MEGF10: variants seen among roughly 807,000 people sequenced by gnomAD.
The protein encoded by MEGF10 is multiple EGF like domains 10, also known as multiple epidermal growth factor-like domains protein 10.
Under a neutral mutation model 147.5 loss-of-function variants are expected in MEGF10, and 86 were observed. The ratio of observed to expected loss-of-function variants is 0.58; its 90% CI spans 0.49 to 0.70. The LOEUF (loss-of-function observed/expected upper bound fraction) is 0.70. MEGF10 is among the 30% of genes least tolerant of loss of function. The pLI is 0.00. For synonymous variants in MEGF10, 478 were observed against 525.5 expected (o/e 0.91, Z 1.24); for missense variants, 1,329 against 1,487.3 (o/e 0.89, Z 1.75).
the MEGF10 span, among the ~76,000 whole-genome samples, chr5:127,245,672 A>G: frequency 6.6e-6 from 1 of 152,356 alleles, no homozygotes; most frequent in South Asian, 2.1e-4. Flanking sequence ...TGAATAGGCA[A>G]CCTAGAGAAT....
At chr5:127,379,692 C>T (rs116078321) in intron 5 of MEGF10, among the ~76,000 whole-genome samples, 2,401 of 151,194 alleles carry the variant, frequency 0.016, 46 homozygotes, top group South Asian at 0.076. Flanking sequence ...CCGTGCCTCC[C>T]GGGTTCAAGT....
intron 5 of MEGF10, among the ~76,000 whole-genome samples, chr5:127,376,779 G>A (rs1314909021): frequency 6.6e-6 from 1 of 152,172 alleles, no homozygotes; most frequent in African/African-American, 2.4e-5. Context: ...ATTGTTCCTA[G>A]TTTACAGATG....
chr5:127,311,573 G>T (rs1760287835), intron 1 of MEGF10, among the ~76,000 whole-genome samples: 1 of 152,158 alleles, frequency 6.6e-6, no homozygotes, highest in Admixed American at 6.5e-5. Flanking sequence ...TATGAAAAAT[G>T]GTTTTGTGTG....
the MEGF10 span, among the ~76,000 whole-genome samples, chr5:127,243,431 A>C: frequency 6.6e-6 from 1 of 152,196 alleles, no homozygotes; most frequent in Non-Finnish European, 1.5e-5. Context: ...AGAATGTTGA[A>C]ATTTAAATAA....
chr5:127,322,056 C>T (rs1580710673), intron 1 of MEGF10, among the ~76,000 whole-genome samples: 2 of 140,008 alleles, frequency 1.4e-5, no homozygotes, highest in Non-Finnish European at 1.5e-5. Flanking sequence ...CTTTCAGCTT[C>T]TTCAATTAGC....
chr5:127,434,713 C>G lies in MEGF10; in HGVS notation c.1867C>G (p.Arg623Gly), dbSNP rs756234600. The G allele has an allele frequency of 2.5e-6, 4 of 1,612,954 alleles. No individual in the cohort carries two copies. Among genetic ancestry groups the G allele is most frequent in the Middle Eastern group, 1.7e-4 (1 of 6,058 alleles). ...CTGCTCCCCTGGTTTTTATGGGCATCGCTGCAGCCAGACATGCCCACAGTG... is the reference window on the plus strand; with the variant it reads ...CTGCTCCCCTGGTTTTTATGGGCATGGCTGCAGCCAGACATGCCCACAGTG... ...RICSPGFYGH[R>G]CSQTCPQCVH... The change falls in exon 15 of 25, where the codon CGC becomes GGC. Residue 623 changes from arginine to glycine, a missense_variant. Coordinates refer to ENST00000503335, the MANE Select transcript of MEGF10 (RefSeq NM_001256545.2).
At chr5:127,253,810 C>T in the MEGF10 span, among the ~76,000 whole-genome samples, 9,598 of 152,008 alleles carry the variant, frequency 0.063, 370 homozygotes, top group African/African-American at 0.1. Context: ...AAGTCTCAAC[C>T]ATGTTTCTAG....
intron 1 of MEGF10, among the ~76,000 whole-genome samples, chr5:127,305,344 G>A (rs1199387651): frequency 2.0e-5 from 3 of 152,154 alleles, no homozygotes; most frequent in Non-Finnish European, 4.4e-5. Flanking sequence ...TGTGTTCATA[G>A]GATGCACCCA....
In MEGF10 at chr5:127,458,314, T is replaced by A. The variant is rs1259455415; in HGVS notation, c.*996T>A. The A allele has an allele frequency of 6.6e-6, 1 of 152,190 alleles. No individual in the cohort carries two copies. The highest frequency in any genetic ancestry group is 1.5e-5 in the Non-Finnish European group (1 of 68,022). The allele number at this position is 152,190 out of a possible 1,614,324, so 9.4% of individuals were successfully genotyped here. A position where few individuals can be genotyped will look rare whatever the true frequency, so the allele number is the denominator to read the frequency against. On this transcript the variant is annotated 3_prime_UTR_variant, in exon 25 of 25. Coordinates refer to ENST00000503335, the MANE Select transcript of MEGF10 (RefSeq NM_001256545.2). ...ATTTTGATTAATCTTTCCCTAGAAG[T>A]GACTGAAATATTTTTGTGCATATTT... is the stretch of plus-strand genomic sequence containing the variant.
At chr5:127,254,448 A>G in the MEGF10 span, among the ~76,000 whole-genome samples, 1 of 152,190 alleles carries the variant, frequency 6.6e-6, no homozygotes, top group Non-Finnish European at 1.5e-5. Context: ...TATGACAAAT[A>G]TTAATACTTT....
intron 4 of MEGF10, among the ~76,000 whole-genome samples, chr5:127,360,862 G>GTATATATATATATA (rs201793273): frequency 6.6e-6 from 1 of 151,494 alleles, no homozygotes; most frequent in African/African-American, 2.4e-5. Context: ...ATATATGTGT[G>GTATATATATATATA]TGTATATATA....
chr5:127,360,111 G>T (rs902786474), intron 4 of MEGF10, among the ~76,000 whole-genome samples: 1 of 152,020 alleles, frequency 6.6e-6, no homozygotes, highest in Non-Finnish European at 1.5e-5. Flanking sequence ...TGGGTAAAGT[G>T]TTCTATAAAT....
At chr5:127,411,474 T>G (rs76882686) in intron 9 of MEGF10, among the ~76,000 whole-genome samples, 3,155 of 152,322 alleles carry the variant, frequency 0.021, 59 homozygotes, top group Middle Eastern at 0.085. Context: ...ATGCATAGAA[T>G]TTAAAAGTAA....
chr5:127,338,802 A>G (rs1218353919), intron 2 of MEGF10, among the ~76,000 whole-genome samples: 2 of 152,118 alleles, frequency 1.3e-5, no homozygotes, highest in Non-Finnish European at 2.9e-5. Flanking sequence ...GCCCTGGGGT[A>G]AGAGGAGGGA....
At chr5:127,376,448 G>A (rs1459915758) in intron 5 of MEGF10, among the ~76,000 whole-genome samples, 1 of 152,256 alleles carries the variant, frequency 6.6e-6, no homozygotes, top group East Asian at 1.9e-4. Flanking sequence ...TTAGTAAGGA[G>A]TACTGCCCAT....
At chr5:127,417,951 G>A (rs1764840035) in intron 10 of MEGF10, 139 bp downstream of exon 10, 4 of 875,688 alleles carry the variant, frequency 4.6e-6, no homozygotes, top group African/African-American at 1.8e-5. Flanking sequence ...GAGAAAATGA[G>A]GGGAAAAATG....
At chr5:127,289,080 T>C (rs538793691), upstream of MEGF10, among the ~76,000 whole-genome samples, 1 of 152,162 alleles carries the variant, frequency 6.6e-6, no homozygotes, top group South Asian at 2.1e-4. Context: ...GGGATAGAAG[T>C]TGACTTTAAA....
intron 4 of MEGF10, among the ~76,000 whole-genome samples, chr5:127,353,151 G>C (rs896578498): frequency 1.6e-4 from 25 of 152,194 alleles, no homozygotes; most frequent in African/African-American, 5.8e-4. Flanking sequence ...AGTGAGGTAA[G>C]CTCTTGGCAG....
In MEGF10 at chr5:127,447,424, G is replaced by A. The variant is rs1459577447; in HGVS notation, c.2729-133G>A. The A allele has an allele frequency of 1.9e-5, 22 of 1,140,558 alleles. No homozygotes were observed. In the East Asian group the frequency reaches 2.5e-4, roughly 13 times the overall value. 70.7% of individuals were successfully genotyped at this position (1,140,558 alleles called of 1,614,324 possible). On this transcript the variant is annotated intron_variant, in intron 20 of 24. Coordinates refer to ENST00000503335, the MANE Select transcript of MEGF10 (RefSeq NM_001256545.2). Reference sequence around the variant, plus strand: ...GATCTCCTGACCTCGTCATCTGCCCGCCTTGGCCTCCCAAAGTGCTGGGAT... The same window carrying A: ...GATCTCCTGACCTCGTCATCTGCCCACCTTGGCCTCCCAAAGTGCTGGGAT...
Sources: gnomAD v4.1 joint callset for allele counts (sites outside exome capture counted in the v4.1 genomes callset) on GRCh38, gnomAD v4.1.1 for gene constraint, MANE v1.5 for transcripts, NCBI Gene and HGNC (gene_info 2026-07-23, HGNC 2026-07-21) for gene names.